UMAD1: variants seen among roughly 807,000 people sequenced by gnomAD.
UMAD1 encodes UBAP1-MVB12-associated (UMA)-domain containing protein 1.
In UMAD1, 8 loss-of-function variants were observed where a neutral mutation model predicts 6.1. That is an observed-to-expected ratio of 1.30 (90% CI 0.76 to 2.35). UMAD1 has a LOEUF of 2.35. Ranked by LOEUF, UMAD1 falls within the 30% of genes most tolerant of loss-of-function variation. The pLI, the probability that UMAD1 is intolerant of heterozygous loss-of-function variation, is 0.00. For synonymous variants in UMAD1, 56 were observed against 31.4 expected, an observed-to-expected ratio of 1.78 and a Z score of -2.61; for missense variants, 130 against 78.4, an observed-to-expected ratio of 1.66 and a Z score of -2.49.
At chr7:7,782,477 A>G (rs1467564876) in intron 2 of UMAD1, among the ~76,000 whole-genome samples, 1 of 152,114 alleles carries the variant, frequency 6.6e-6, no homozygotes, top group Non-Finnish European at 1.5e-5. Context: ...GTGTGTCTAC[A>G]TGCTATTGCA....
chr7:7,756,326 G>A (rs1393374198), intron 2 of UMAD1, among the ~76,000 whole-genome samples: 1 of 152,202 alleles, frequency 6.6e-6, no homozygotes, highest in African/African-American at 2.4e-5. Flanking sequence ...TAAAGTGTGA[G>A]TGGTTCTGAA....
rs774426885 is a variant in UMAD1 at position 7,697,818 on chromosome 7, A to G, written c.82+24365A>G. On this transcript the variant is annotated intron_variant, in intron 2 of 3. Coordinates refer to ENST00000682710, the MANE Select transcript of UMAD1 (RefSeq NM_001302348.2). Reference sequence around the variant, plus strand: ...ATGGTGCATGTACTCTTGGGTATCCATCTTCCAATTTGAGACGTATAAATC... The same window carrying G: ...ATGGTGCATGTACTCTTGGGTATCCGTCTTCCAATTTGAGACGTATAAATC... Among the ~76,000 whole-genome samples the G allele has an allele frequency of 1.2e-4, 19 of 152,150 alleles. 1 individual carries two copies. The highest frequency in any genetic ancestry group is 5.8e-4 in the East Asian group (3 of 5,196).
At chr7:7,742,225 G>T in intron 2 of UMAD1, 4 of 681,994 alleles carry the variant, frequency 5.9e-6, no homozygotes, top group Non-Finnish European at 2.8e-6. Context: ...CAGCCTGTTT[G>T]ATCTGGTGCT....
At chr7:7,848,659 C>T (rs1401957841) in intron 3 of UMAD1, among the ~76,000 whole-genome samples, 1 of 151,834 alleles carries the variant, frequency 6.6e-6, no homozygotes, top group Non-Finnish European at 1.5e-5. Flanking sequence ...TGAAATCTTG[C>T]CTGGAAGGTG....
intron 3 of UMAD1, among the ~76,000 whole-genome samples, chr7:7,851,834 C>T (rs1268201152): frequency 4.6e-5 from 7 of 151,894 alleles, no homozygotes; most frequent in Admixed American, 3.9e-4. Flanking sequence ...TGTGGGTTGC[C>T]ATTTTACTTT....
intron 1 of UMAD1, among the ~76,000 whole-genome samples, chr7:7,647,606 A>C (rs763987390): frequency 5.3e-5 from 8 of 152,090 alleles, no homozygotes; most frequent in Non-Finnish European, 8.8e-5. Flanking sequence ...GACTTTTGCT[A>C]TATATATACA....
chr7:7,722,057 G>A (rs1691058036), intron 2 of UMAD1, among the ~76,000 whole-genome samples: 2 of 151,916 alleles, frequency 1.3e-5, no homozygotes, highest in Non-Finnish European at 2.9e-5. Flanking sequence ...TCGGCTTTGG[G>A]ACTTGGACTG....
chr7:7,736,062 A>C (rs938546853), intron 2 of UMAD1: 5 of 152,286 alleles, frequency 3.3e-5, no homozygotes, highest in African/African-American at 1.2e-4. Context: ...TGAATGTTGC[A>C]GTGAAATGCA....
intron 2 of UMAD1, among the ~76,000 whole-genome samples, chr7:7,704,433 T>A (rs1012618564): frequency 6.6e-6 from 1 of 151,774 alleles, no homozygotes; most frequent in Non-Finnish European, 1.5e-5. Flanking sequence ...GTCTTGGAGA[T>A]CACAGAGTTT....
intron 2 of UMAD1, among the ~76,000 whole-genome samples, chr7:7,785,026 GTGTAGTATTTGTGGAGAACTTTTCC>G (rs1391954544): frequency 1.3e-5 from 2 of 152,162 alleles, no homozygotes; most frequent in African/African-American, 4.8e-5. Flanking sequence ...TTCGTGGCAT[GTGTAGTATTTGTGGAGAACTTTTCC>G]TGTATGGTCA....
rs1010161679 is a variant in UMAD1 at position 7,743,403 on chromosome 7, C to T, written c.83-58267C>T. Among the ~76,000 whole-genome samples, 3 of 151,982 alleles carry T rather than the reference C, an allele frequency of 2.0e-5. No homozygotes were observed. In the East Asian group the frequency reaches 5.8e-4, roughly 29 times the overall value. ...TCATTTGTCAAAAACAGTATTAAGG[C>T]AGGTTAAAGAACTACAGATACAAAA... On this transcript the variant is annotated intron_variant, in intron 2 of 3. Coordinates refer to ENST00000682710, the MANE Select transcript of UMAD1 (RefSeq NM_001302348.2).
intron 3 of UMAD1, among the ~76,000 whole-genome samples, chr7:7,824,832 G>A (rs1012417429): frequency 6.6e-6 from 1 of 152,062 alleles, no homozygotes; most frequent in Non-Finnish European, 1.5e-5. Context: ...TGTATTAGCC[G>A]CTCACTTACC....
At chr7:7,715,178 A>C (rs964455457) in intron 2 of UMAD1, 37 of 152,204 alleles carry the variant, frequency 2.4e-4, no homozygotes, top group African/African-American at 8.9e-4. Flanking sequence ...AACTTACCTG[A>C]AACTATTGTA....
At chr7:7,806,953 G>A (rs192064827) in intron 3 of UMAD1, among the ~76,000 whole-genome samples, 1 of 152,226 alleles carries the variant, frequency 6.6e-6, no homozygotes, top group Admixed American at 6.5e-5. Flanking sequence ...GGAGAAGGTG[G>A]CTTTTAGTAT....
intron 3 of UMAD1, among the ~76,000 whole-genome samples, chr7:7,864,218 A>C (rs1417679982): frequency 6.6e-6 from 1 of 152,246 alleles, no homozygotes; most frequent in African/African-American, 2.4e-5. Flanking sequence ...GATAGAAATA[A>C]GAGTTAAGTT....
chr7:7,713,473 C>T, intron 2 of UMAD1, among the ~76,000 whole-genome samples: 1 of 151,924 alleles, frequency 6.6e-6, no homozygotes, highest in Non-Finnish European at 1.5e-5. Context: ...TGCTCCTCCC[C>T]CCCATGGCAA....
chr7:7,773,362 A>G (rs1782138631), intron 2 of UMAD1, among the ~76,000 whole-genome samples: 1 of 152,220 alleles, frequency 6.6e-6, no homozygotes, highest in Admixed American at 6.5e-5. Flanking sequence ...TTTTAAAATG[A>G]GTTAGTCAAA....
intron 3 of UMAD1, among the ~76,000 whole-genome samples, chr7:7,847,107 ATATATATATATATATAT>A (rs1783817222): frequency 1.4e-3 from 7 of 4,878 alleles, no homozygotes; most frequent in African/African-American, 0.011. Flanking sequence ...AAAAAAAAAT[ATATATATATATATATAT>A]ATATATATAT....
intron 2 of UMAD1, chr7:7,735,798 G>A (rs77221044): frequency 0.088 from 13,402 of 152,238 alleles, 714 homozygotes; most frequent in African/African-American, 0.15. Context: ...TAGTTTCCCC[G>A]AAGTCAGCCT....
Sources: allele counts gnomAD v4.1 joint callset (sites outside exome capture counted in the v4.1 genomes callset), GRCh38; gene constraint gnomAD v4.1.1; transcripts MANE v1.5; gene names NCBI Gene and HGNC (gene_info 2026-07-23, HGNC 2026-07-21).